Variants in PKNOX2 observed in about 807,000 individuals in gnomAD.
The protein encoded by PKNOX2 is PBX/knotted 1 homeobox 2.
A neutral mutation model predicts 53.1 loss-of-function variants in PKNOX2; 14 were observed. That is an observed-to-expected ratio of 0.26 (90% CI 0.17 to 0.41). PKNOX2 has a LOEUF of 0.41. PKNOX2 is among the 10% of genes least tolerant of loss of function. The probability of loss-of-function intolerance (pLI) is 1.00; values close to 1 mark genes in which losing one functional copy is unlikely to be tolerated. For missense variants in PKNOX2, 496 were observed against 602.8 expected (o/e 0.82, Z 1.85); for synonymous variants, 257 against 242.8 (o/e 1.06, Z -0.54).
rs527563875 is a variant in PKNOX2, at chr11:125,296,103, C to G, written c.-129-35716C>G. ...GCTTATTTCCTCTTCACTGTTTCCACGCTGGCCCCAGTCCCACTGTCTCCT... is the reference window on the plus strand; with the variant it reads ...GCTTATTTCCTCTTCACTGTTTCCAGGCTGGCCCCAGTCCCACTGTCTCCT... On this transcript the variant is annotated intron_variant, in intron 2 of 12. Coordinates refer to ENST00000298282, the MANE Select transcript of PKNOX2 (RefSeq NM_001382323.2). Among the ~76,000 whole-genome samples the G allele has an allele frequency of 5.3e-5, 8 of 152,284 alleles. No homozygotes were observed. In the East Asian group the frequency reaches 1.5e-3, roughly 29 times the overall value.
intron 5 of PKNOX2, among the ~76,000 whole-genome samples, chr11:125,373,595 T>C (rs969949382): frequency 1.6e-4 from 24 of 152,162 alleles, no homozygotes; most frequent in Non-Finnish European, 2.6e-4. Context: ...GTTGGATGTA[T>C]TGGTGTCAGG....
chr11:125,326,901 G>A (rs1949847119), intron 2 of PKNOX2, among the ~76,000 whole-genome samples: 1 of 152,214 alleles, frequency 6.6e-6, no homozygotes. Flanking sequence ...CCGCCAGCAG[G>A]GAGGTGAAGC....
At chr11:125,291,123 C>A (rs1947276901) in intron 2 of PKNOX2, among the ~76,000 whole-genome samples, 1 of 152,172 alleles carries the variant, frequency 6.6e-6, no homozygotes, top group Non-Finnish European at 1.5e-5. Flanking sequence ...GCTGGTCCTG[C>A]AGAAAGAATA....
At chr11:125,317,843 A>G (rs1156248485) in intron 2 of PKNOX2, among the ~76,000 whole-genome samples, 1 of 152,166 alleles carries the variant, frequency 6.6e-6, no homozygotes, top group African/African-American at 2.4e-5. Flanking sequence ...TTTTTTGTGG[A>G]TTTGAAGCCA....
intron 2 of PKNOX2, among the ~76,000 whole-genome samples, chr11:125,267,005 T>G (rs1945405316): frequency 6.6e-6 from 1 of 152,242 alleles, no homozygotes; most frequent in African/African-American, 2.4e-5. Flanking sequence ...TTTTGATTTC[T>G]CTGAGACAGA....
rs555416481 is a variant in PKNOX2 at position 125,373,581 on chromosome 11, C to G, written c.227+5596C>G. On this transcript the variant is annotated intron_variant, in intron 5 of 12. Transcript: ENST00000298282. ...TGGTCCACATTCTGTGGGTGTCAGC[C>G]GCTGTTGGATGTATTGGTGTCAGGC... Among the ~76,000 whole-genome samples, 4 of 152,286 alleles carry G rather than the reference C, an allele frequency of 2.6e-5. No individual in the cohort carries two copies. In the South Asian group the frequency reaches 8.3e-4, roughly 32 times the overall value.
chr11:125,204,998 T>C (rs1440458402), intron 1 of PKNOX2, among the ~76,000 whole-genome samples: 3 of 152,174 alleles, frequency 2.0e-5, no homozygotes, highest in Non-Finnish European at 2.9e-5. Context: ...CGCACAGTGG[T>C]TGTTGACCCT....
chr11:125,280,299 C>T (rs921173081), intron 2 of PKNOX2, among the ~76,000 whole-genome samples: 1 of 152,276 alleles, frequency 6.6e-6, no homozygotes, highest in Admixed American at 6.5e-5. Context: ...ACCCAGACTC[C>T]TGGGGCTTCT....
At chr11:125,170,780 A>G (rs1955241378) in intron 1 of PKNOX2, among the ~76,000 whole-genome samples, 1 of 150,948 alleles carries the variant, frequency 6.6e-6, no homozygotes, top group Admixed American at 6.6e-5. Flanking sequence ...TCTCCACCAA[A>G]CAGCTTCGTT....
chr11:125,415,234 C>CTTT (rs35920181), intron 10 of PKNOX2, among the ~76,000 whole-genome samples: 64 of 77,566 alleles, frequency 8.3e-4, no homozygotes, highest in African/African-American at 2.5e-3. Context: ...TAAAGTTTAG[C>CTTT]TTTTTTTTTT....
chr11:125,243,918 A>C (rs1943363685), intron 2 of PKNOX2, among the ~76,000 whole-genome samples: 1 of 152,106 alleles, frequency 6.6e-6, no homozygotes, highest in African/African-American at 2.4e-5. Context: ...CACCATGCCC[A>C]GCCTGTACCT....
chr11:125,194,497 G>A (rs1331583464), intron 1 of PKNOX2, among the ~76,000 whole-genome samples: 2 of 151,662 alleles, frequency 1.3e-5, no homozygotes, highest in East Asian at 3.9e-4. Flanking sequence ...TCCTCACCCT[G>A]TGTCCTCACA....
At chr11:125,320,620 T>C (rs1049598469) in intron 2 of PKNOX2, among the ~76,000 whole-genome samples, 1 of 152,210 alleles carries the variant, frequency 6.6e-6, no homozygotes, top group Non-Finnish European at 1.5e-5. Flanking sequence ...ATGGCTCCTC[T>C]ATCCTCTGTT....
chr11:125,365,265 G>A (rs1415551880), intron 4 of PKNOX2, among the ~76,000 whole-genome samples: 1 of 152,080 alleles, frequency 6.6e-6, no homozygotes, highest in African/African-American at 2.4e-5. Context: ...GTACTTTCAT[G>A]TATTTGTTTA....
intron 2 of PKNOX2, among the ~76,000 whole-genome samples, chr11:125,324,919 G>C (rs1949746032): frequency 6.6e-6 from 1 of 152,144 alleles, no homozygotes; most frequent in Non-Finnish European, 1.5e-5. Flanking sequence ...GATGGGAGGG[G>C]AGGAGTGAGA....
chr11:125,283,326 A>G (rs1946694250), intron 2 of PKNOX2, among the ~76,000 whole-genome samples: 1 of 152,176 alleles, frequency 6.6e-6, no homozygotes, highest in Admixed American at 6.5e-5. Flanking sequence ...CACCTCAAGA[A>G]TGGAGGTTGG....
chr11:125,359,800 G>A (rs555811970), intron 4 of PKNOX2, among the ~76,000 whole-genome samples: 1 of 152,304 alleles, frequency 6.6e-6, no homozygotes, highest in African/African-American at 2.4e-5. Flanking sequence ...GGCAGCCTAA[G>A]GGGGCCCTCC....
chr11:125,282,194 A>G (rs537970487), intron 2 of PKNOX2, among the ~76,000 whole-genome samples: 1 of 152,370 alleles, frequency 6.6e-6, no homozygotes, highest in African/African-American at 2.4e-5. Flanking sequence ...ATGTTAGTGC[A>G]TAAGCTTTGG....
chr11:125,177,038 G>A (rs1955763261), intron 1 of PKNOX2, among the ~76,000 whole-genome samples: 1 of 152,164 alleles, frequency 6.6e-6, no homozygotes, highest in South Asian at 2.1e-4. Context: ...CTGATTTCTG[G>A]AAAGCCCTCG....
Sources: gnomAD v4.1 joint callset for allele counts (sites outside exome capture counted in the v4.1 genomes callset) on GRCh38, gnomAD v4.1.1 for gene constraint, MANE v1.5 for transcripts, NCBI Gene and HGNC (gene_info 2026-07-23, HGNC 2026-07-21) for gene names.